REEP1: variants seen among roughly 807,000 people sequenced by gnomAD.
REEP1 encodes the protein receptor expression-enhancing protein 1.
In REEP1, 22 loss-of-function variants were observed where a neutral mutation model predicts 40.3. The ratio of observed to expected loss-of-function variants is 0.55; its 90% CI spans 0.39 to 0.78. The LOEUF (loss-of-function observed/expected upper bound fraction) is 0.78. Ranked by LOEUF, REEP1 falls within the 30% of genes least tolerant of loss-of-function variation. REEP1 has a pLI of 0.00. For synonymous variants in REEP1, 116 were observed against 139.2 expected, an observed-to-expected ratio of 0.83 and a Z score of 1.17; for missense variants, 280 against 361.1, an observed-to-expected ratio of 0.78 and a Z score of 1.82.
At chr2:86,311,631 T>C (rs187311396) in intron 1 of REEP1, among the ~76,000 whole-genome samples, 1 of 152,174 alleles carries the variant, frequency 6.6e-6, no homozygotes, top group African/African-American at 2.4e-5. Context: ...GATTTTCTTT[T>C]TATAAGGATA....
chr2:86,290,084 T>C (rs922335956), intron 1 of REEP1, among the ~76,000 whole-genome samples: 15 of 152,080 alleles, frequency 9.9e-5, no homozygotes, highest in African/African-American at 3.1e-4. Context: ...GCAACCTCCA[T>C]CTCCTGGGTT....
chr2:86,223,977 G>A (rs1276761325), intron 7 of REEP1, among the ~76,000 whole-genome samples: 1 of 152,030 alleles, frequency 6.6e-6, no homozygotes, highest in Non-Finnish European at 1.5e-5. Context: ...AAAACAATAG[G>A]GAATCAGTTG....
intron 6 of REEP1, among the ~76,000 whole-genome samples, 184 bp from the exon 7 acceptor site, chr2:86,227,582 G>A (rs1044753101): frequency 1.3e-5 from 2 of 152,032 alleles, no homozygotes; most frequent in South Asian, 2.1e-4. Context: ...TTCAGTTTCT[G>A]CTCAGGTGCA....
intron 2 of REEP1, among the ~76,000 whole-genome samples, chr2:86,279,103 T>C (rs914303498): frequency 6.6e-5 from 10 of 152,262 alleles, no homozygotes; most frequent in African/African-American, 2.4e-4. Context: ...CTCCTACTTC[T>C]AGGGGAATGT....
Position 86,255,908 on chromosome 2 carries a change from C to T in REEP1, c.183-1094G>A, listed in dbSNP as rs190346582. On this transcript the variant is annotated intron_variant, in intron 3 of 8. Coordinates refer to ENST00000538924, the MANE Select transcript of REEP1 (RefSeq NM_001371279.1). Reference sequence around the variant, plus strand: ...CAGATATCTTGTGCTGTGAACAACCCGAGCAACCATATTTGGCAGTCCAGA... The same window carrying T: ...CAGATATCTTGTGCTGTGAACAACCTGAGCAACCATATTTGGCAGTCCAGA... 1.6e-3 allele frequency among the ~76,000 whole-genome samples: 247 copies of T among 152,192 alleles called. 2 individuals are homozygous for T. The highest frequency in any genetic ancestry group is 5.7e-3 in the African/African-American group (235 of 41,506).
chr2:86,313,398 C>A (rs751951018), intron 1 of REEP1, among the ~76,000 whole-genome samples: 28 of 151,858 alleles, frequency 1.8e-4, no homozygotes, highest in Middle Eastern at 3.4e-3. Context: ...TGGGCCATCA[C>A]CTCTCCTTTG....
At chr2:86,335,572 CGGGCGT>C (rs1290297520) in intron 1 of REEP1, among the ~76,000 whole-genome samples, 3 of 152,108 alleles carry the variant, frequency 2.0e-5, no homozygotes, top group South Asian at 2.1e-4. Flanking sequence ...GGGGAGGAGC[CGGGCGT>C]GGTAGCTCAC....
intron 5 of REEP1, among the ~76,000 whole-genome samples, chr2:86,245,979 T>A (rs1321939034): frequency 6.6e-6 from 1 of 152,114 alleles, no homozygotes; most frequent in Non-Finnish European, 1.5e-5. Context: ...TTAGCCAGGA[T>A]GGTCTCGATC....
intron 3 of REEP1, among the ~76,000 whole-genome samples, chr2:86,258,485 C>T (rs1676688526): frequency 6.6e-6 from 1 of 152,190 alleles, no homozygotes; most frequent in Non-Finnish European, 1.5e-5. Context: ...GCCAGGCCCT[C>T]CCCACATAAA....
chr2:86,272,147 G>A (rs565901046), intron 2 of REEP1, among the ~76,000 whole-genome samples: 6 of 152,142 alleles, frequency 3.9e-5, no homozygotes, highest in Admixed American at 6.5e-5. Flanking sequence ...GCTTGAATCC[G>A]GGAAGTGGAG....
At chr2:86,277,674 C>T (rs1477769097) in intron 2 of REEP1, among the ~76,000 whole-genome samples, 1 of 152,034 alleles carries the variant, frequency 6.6e-6, no homozygotes, top group African/African-American at 2.4e-5. Context: ...AGGAACAAAT[C>T]CCACTAAAGC....
Position 86,337,188 on chromosome 2 carries a change from G to A in REEP1, c.32+291C>T, listed in dbSNP as rs1306826158. The stretch of plus-strand genomic sequence containing the variant: ...CGAGCTGAGGAACAAAGCGGCCAGC[G>A]CGCGGCGAGACGCAGCCCCCACGGA... On this transcript the variant is annotated intron_variant, in intron 1 of 8. Transcript: ENST00000538924. The surrounding 1 kb of genome is among the most constrained non-coding windows in gnomAD (Gnocchi z 5.8). The A allele has an allele frequency of 5.4e-6, 1 of 184,708 alleles. No individual in the cohort carries two copies. Among genetic ancestry groups the A allele is most frequent in the Non-Finnish European group, 1.1e-5 (1 of 89,990 alleles). The allele number at this position is 184,708 out of a possible 1,614,324, so 11.4% of individuals were successfully genotyped here.
chr2:86,226,291 G>C (rs972829764), intron 7 of REEP1, among the ~76,000 whole-genome samples: 1 of 152,036 alleles, frequency 6.6e-6, no homozygotes, highest in Non-Finnish European at 1.5e-5. Context: ...GGTGATTCAC[G>C]CAAAGTTGCA....
At chr2:86,317,045 C>G (rs897190385) in intron 1 of REEP1, among the ~76,000 whole-genome samples, 1 of 152,166 alleles carries the variant, frequency 6.6e-6, no homozygotes, top group African/African-American at 2.4e-5. Context: ...GACCTCCTGA[C>G]AGGAGGCGGT....
intron 2 of REEP1, among the ~76,000 whole-genome samples, chr2:86,270,174 TG>T (rs1553463696): frequency 3.2e-4 from 1 of 3,082 alleles, no homozygotes; most frequent in African/African-American, 4.8e-4. Flanking sequence ...ATTTTTCTTT[TG>T]TTTGTTTGTT....
At chr2:86,325,690 A>T (rs1285667868) in intron 1 of REEP1, among the ~76,000 whole-genome samples, 1 of 152,208 alleles carries the variant, frequency 6.6e-6, no homozygotes, top group Non-Finnish European at 1.5e-5. Flanking sequence ...GAAGCAAGGA[A>T]TGGAGTGTCC....
chr2:86,325,070 C>A (rs1440534560), intron 1 of REEP1, among the ~76,000 whole-genome samples: 3 of 151,962 alleles, frequency 2.0e-5, no homozygotes, highest in Non-Finnish European at 4.4e-5. Flanking sequence ...TCAAGGAGAG[C>A]CCAAAAACGG....
At chr2:86,308,006 A>G (rs1679582682) in intron 1 of REEP1, among the ~76,000 whole-genome samples, 1 of 152,234 alleles carries the variant, frequency 6.6e-6, no homozygotes. Context: ...AACATGTCTT[A>G]AAATAAATAT....
intron 1 of REEP1, among the ~76,000 whole-genome samples, chr2:86,294,984 G>C (rs547534111): frequency 1.3e-5 from 2 of 152,182 alleles, no homozygotes; most frequent in East Asian, 3.9e-4. Context: ...GTGAAACAAA[G>C]GATGTTTGGC....
Sources: gnomAD v4.1 joint callset for allele counts (sites outside exome capture counted in the v4.1 genomes callset) on GRCh38, gnomAD v4.1.1 for gene constraint, Gnocchi (gnomAD v3.1) non-coding constraint, MANE v1.5 for transcripts, NCBI Gene and HGNC (gene_info 2026-07-23, HGNC 2026-07-21) for gene names.